The following RBFOX1 variants were observed in gnomAD, a reference collection of about 807,000 sequenced individuals.
The protein encoded by RBFOX1 is RNA binding protein fox-1 homolog 1.
In RBFOX1, 8 loss-of-function variants were observed where a neutral mutation model predicts 57.7. That is an observed-to-expected ratio of 0.14 (90% CI 0.08 to 0.25). The LOEUF is 0.25. RBFOX1 is among the 10% of genes least tolerant of loss of function. The pLI is 1.00. For synonymous variants in RBFOX1, 326 were observed against 222.4 expected, an observed-to-expected ratio of 1.47 and a Z score of -4.15; for missense variants, 611 against 548.5, an observed-to-expected ratio of 1.11 and a Z score of -1.14.
chr16:7,689,313 C>G (rs2076823551), intron 14 of RBFOX1, among the ~76,000 whole-genome samples: 1 of 152,078 alleles, frequency 6.6e-6, no homozygotes, highest in Admixed American at 6.6e-5. Context: ...CTTCCCAGTT[C>G]AAAATAATCT....
intron 4 of RBFOX1, among the ~76,000 whole-genome samples, chr16:5,902,055 A>G (rs1198690529): frequency 6.6e-6 from 1 of 152,202 alleles, no homozygotes; most frequent in Non-Finnish European, 1.5e-5. Context: ...ATGGGGTTCA[A>G]TGCATGTTTC....
At chr16:7,206,263 T>C (rs1315665894) in intron 4 of RBFOX1, among the ~76,000 whole-genome samples, 2 of 152,150 alleles carry the variant, frequency 1.3e-5, no homozygotes, top group Non-Finnish European at 2.9e-5. Context: ...TGTGTTTGTA[T>C]GGCAAGTATC....
chr16:7,446,601 C>T lies in RBFOX1; in HGVS notation c.28-71546C>T, dbSNP rs115345294. Among the ~76,000 whole-genome samples the T allele has an allele frequency of 4.0e-3, 611 of 152,136 alleles. 8 individuals carry two copies. Among genetic ancestry groups the T allele is most frequent in the African/African-American group, 0.014 (581 of 41,502 alleles). On this transcript the variant is annotated intron_variant, in intron 4 of 15. Coordinates refer to ENST00000550418, the MANE Select transcript of RBFOX1 (RefSeq NM_018723.4). The stretch of plus-strand genomic sequence containing the variant: ...AGGATGACTAGTGTCCTATAGTTCT[C>T]TTTCAAGATCAGATCAAGCTTCCTG...
intron 4 of RBFOX1, among the ~76,000 whole-genome samples, chr16:7,436,354 G>A (rs1246843494): frequency 6.6e-6 from 1 of 152,148 alleles, no homozygotes; most frequent in African/African-American, 2.4e-5. Flanking sequence ...TTGGACAAAC[G>A]TGTTTGAACA....
intron 2 of RBFOX1, among the ~76,000 whole-genome samples, chr16:6,653,999 G>GGATA (rs1438320992): frequency 1.3e-5 from 2 of 150,874 alleles, no homozygotes; most frequent in East Asian, 3.9e-4. Flanking sequence ...ATGGATGGAT[G>GGATA]GATGGATAGA....
chr16:7,326,611 C>T (rs1198250845), intron 4 of RBFOX1, among the ~76,000 whole-genome samples: 1 of 152,144 alleles, frequency 6.6e-6, no homozygotes, highest in Admixed American at 6.5e-5. Flanking sequence ...CCACCTTCAG[C>T]ATGTCATTTC....
chr16:5,955,888 A>T (rs1185544768), intron 4 of RBFOX1, among the ~76,000 whole-genome samples: 1 of 152,234 alleles, frequency 6.6e-6, no homozygotes, highest in Non-Finnish European at 1.5e-5. Context: ...AACGGGTCCA[A>T]TGCTCAAATA....
intron 2 of RBFOX1, among the ~76,000 whole-genome samples, chr16:6,530,384 T>C (rs1266808565): frequency 6.6e-6 from 1 of 152,164 alleles, no homozygotes; most frequent in Admixed American, 6.5e-5. Context: ...TGGTGCTACA[T>C]TCCAAGAGGC....
chr16:6,714,238 A>G (rs2064315467), intron 3 of RBFOX1, among the ~76,000 whole-genome samples: 1 of 152,104 alleles, frequency 6.6e-6, no homozygotes, highest in African/African-American at 2.4e-5. Context: ...GCCATGCAGA[A>G]CTGTGAGTCA....
chr16:5,877,902 T>C (rs1287271028), intron 4 of RBFOX1, among the ~76,000 whole-genome samples: 1 of 152,194 alleles, frequency 6.6e-6, no homozygotes, highest in Non-Finnish European at 1.5e-5. Flanking sequence ...GCGTGTCTTA[T>C]GGAAAGCTGC....
intron 1 of RBFOX1, among the ~76,000 whole-genome samples, chr16:5,323,367 T>C (rs2064466946): frequency 6.6e-6 from 1 of 152,176 alleles, no homozygotes; most frequent in Non-Finnish European, 1.5e-5. Flanking sequence ...ACCCAACGAA[T>C]TGATTTCATG....
intron 3 of RBFOX1, among the ~76,000 whole-genome samples, chr16:5,732,517 G>T (rs1287485711): frequency 2.0e-5 from 3 of 152,196 alleles, no homozygotes; most frequent in Non-Finnish European, 4.4e-5. Context: ...ATGGCTGCAA[G>T]ACATAGGGGA....
At position 6,818,213 on chromosome 16, in the gene RBFOX1, C is replaced by T. The variant is rs189653190; in HGVS notation, c.-16+163563C>T. Reference sequence around the variant, plus strand: ...TGCTGTTGGTCCTGTGACAGTTTGGCCAACGAAATGTTAGCAGACATGATA... The same window carrying T: ...TGCTGTTGGTCCTGTGACAGTTTGGTCAACGAAATGTTAGCAGACATGATA... On this transcript the variant is annotated intron_variant, in intron 3 of 15. Transcript: ENST00000550418. Among the ~76,000 whole-genome samples the T allele has an allele frequency of 1.5e-4, 23 of 152,162 alleles. No homozygotes were observed. The East Asian group carries it at 4.5e-3, about 30-fold the overall frequency.
chr16:5,804,173 A>T (rs1181975511), intron 3 of RBFOX1, among the ~76,000 whole-genome samples: 1 of 152,218 alleles, frequency 6.6e-6, no homozygotes, highest in Non-Finnish European at 1.5e-5. Context: ...AGAGAAGCAT[A>T]TTGCTTGAAA....
intron 4 of RBFOX1, among the ~76,000 whole-genome samples, chr16:7,214,406 C>A (rs2091680756): frequency 6.6e-6 from 1 of 151,996 alleles, no homozygotes; most frequent in Non-Finnish European, 1.5e-5. Context: ...CTCCTTAATT[C>A]CTCTCTCATG....
chr16:6,940,086 G>A (rs1729688585), intron 3 of RBFOX1, among the ~76,000 whole-genome samples: 1 of 152,178 alleles, frequency 6.6e-6, no homozygotes, highest in African/African-American at 2.4e-5. Flanking sequence ...CAGTTACTTG[G>A]GAGGCTGAGG....
intron 3 of RBFOX1, among the ~76,000 whole-genome samples, chr16:5,748,938 G>A (rs1004866250): frequency 3.9e-5 from 6 of 152,100 alleles, no homozygotes; most frequent in African/African-American, 9.7e-5. Context: ...TATTTTGCTC[G>A]TTAATTGATG....
chr16:5,914,572 C>T (rs540749914), intron 4 of RBFOX1, among the ~76,000 whole-genome samples: 13 of 151,922 alleles, frequency 8.6e-5, no homozygotes, highest in African/African-American at 3.1e-4. Flanking sequence ...AACATGGCAG[C>T]TGGTGATGAG....
intron 1 of RBFOX1, among the ~76,000 whole-genome samples, chr16:5,268,542 A>G (rs1198547883): frequency 6.6e-6 from 1 of 152,230 alleles, no homozygotes; most frequent in Non-Finnish European, 1.5e-5. Context: ...ACCAGGTCCA[A>G]TCCACACTTC....
Sources: allele counts gnomAD v4.1 joint callset (sites outside exome capture counted in the v4.1 genomes callset), GRCh38; gene constraint gnomAD v4.1.1; transcripts MANE v1.5; gene names NCBI Gene and HGNC (gene_info 2026-07-23, HGNC 2026-07-21).